The following ZNF654 variants were observed in gnomAD, a reference collection of about 807,000 sequenced individuals.
ZNF654 encodes the protein melanoma-associated antigen.
A neutral mutation model predicts 95.3 loss-of-function variants in ZNF654; 19 were observed. That is an observed-to-expected ratio of 0.20 (90% CI 0.14 to 0.29). The LOEUF (loss-of-function observed/expected upper bound fraction) is 0.29. Ranked by LOEUF, ZNF654 falls within the 10% of genes least tolerant of loss-of-function variation. The probability of loss-of-function intolerance (pLI) is 1.00; values close to 1 mark genes in which losing one functional copy is unlikely to be tolerated. For synonymous variants in ZNF654, 413 were observed against 457.9 expected (o/e 0.90, Z 1.25); for missense variants, 1,046 against 1,341.0 (o/e 0.78, Z 3.44).
chr3:88,061,696 C>A (rs1219419636), intron 1 of ZNF654, among the ~76,000 whole-genome samples: 2 of 152,028 alleles, frequency 1.3e-5, no homozygotes, highest in Non-Finnish European at 2.9e-5. Flanking sequence ...TTGCTTCATT[C>A]GTCAGTAAGG....
rs1299264844 is a variant in ZNF654, at chr3:88,104,248, ACTG to A, written c.333-8866_333-8864del. ...ATAGAGTGGAAAATGGTAAATAAAA[ACTG>A]AAGATAAATATCAAATTAAATTTTT... On this transcript the variant is annotated intron_variant, in intron 2 of 8. Transcript: ENST00000636215. Among the ~76,000 whole-genome samples, 3 of 152,322 alleles carry A rather than the reference ACTG, an allele frequency of 2.0e-5. No individual in the cohort carries two copies. In the East Asian group the frequency reaches 5.8e-4, roughly 29 times the overall value.
chr3:88,070,755 A>T (rs959618708), intron 1 of ZNF654, among the ~76,000 whole-genome samples: 2 of 152,094 alleles, frequency 1.3e-5, no homozygotes, highest in African/African-American at 4.8e-5. Flanking sequence ...ATTCTCGTTT[A>T]TCCTTTGCAA....
At chr3:88,110,354 A>C (rs891559022) in intron 2 of ZNF654, among the ~76,000 whole-genome samples, 1 of 152,070 alleles carries the variant, frequency 6.6e-6, no homozygotes, top group African/African-American at 2.4e-5. Flanking sequence ...TCACTGGTCA[A>C]CTCTACCACT....
intron 2 of ZNF654, among the ~76,000 whole-genome samples, chr3:88,094,578 G>A (rs1462376368): frequency 6.6e-6 from 1 of 152,092 alleles, no homozygotes; most frequent in African/African-American, 2.4e-5. Context: ...AAGCTTGATA[G>A]TTCTCTTGGT....
chr3:88,090,821 A>G (rs922806748), intron 2 of ZNF654, among the ~76,000 whole-genome samples: 6 of 152,182 alleles, frequency 3.9e-5, no homozygotes, highest in African/African-American at 1.2e-4. Context: ...GTCTTGGCCC[A>G]TACATAAAAT....
chr3:88,088,573 G>A (rs1708457738), intron 2 of ZNF654, among the ~76,000 whole-genome samples: 1 of 152,100 alleles, frequency 6.6e-6, no homozygotes, highest in Non-Finnish European at 1.5e-5. Context: ...TAAAGCTGAA[G>A]AAGAAATCCA....
At chr3:88,090,382 G>A (rs1285026254) in intron 2 of ZNF654, among the ~76,000 whole-genome samples, 1 of 151,896 alleles carries the variant, frequency 6.6e-6, no homozygotes, top group Non-Finnish European at 1.5e-5. Flanking sequence ...CAAGAAAAAT[G>A]TAAAATACAA....
chr3:88,104,835 T>A (rs2107732568), intron 2 of ZNF654, among the ~76,000 whole-genome samples: 1 of 152,304 alleles, frequency 6.6e-6, no homozygotes, highest in South Asian at 2.1e-4. Context: ...AATCTAAGCA[T>A]ATTAAAAATT....
At chr3:88,070,060 C>T (rs1425682562) in intron 1 of ZNF654, among the ~76,000 whole-genome samples, 1 of 152,182 alleles carries the variant, frequency 6.6e-6, no homozygotes, top group African/African-American at 2.4e-5. Flanking sequence ...ATTCCATGCT[C>T]ATGAGAGTAT....
chr3:88,070,305 G>A (rs1441060079), intron 1 of ZNF654, among the ~76,000 whole-genome samples: 1 of 151,930 alleles, frequency 6.6e-6, no homozygotes, highest in Non-Finnish European at 1.5e-5. Flanking sequence ...TAAAATAGGT[G>A]AATATCTTTT....
rs1273750066 is a variant in ZNF654 at position 88,143,177 on chromosome 3, A to G, written c.*1525A>G. The G allele has an allele frequency of 1.3e-5, 2 of 152,280 alleles. No individual in the cohort carries two copies. Among genetic ancestry groups the G allele is most frequent in the Admixed American group, 6.6e-5 (1 of 15,228 alleles). The allele number at this position is 152,280 out of a possible 1,614,324, so 9.4% of individuals were successfully genotyped here. A position where few individuals can be genotyped will look rare whatever the true frequency, so the allele number is the denominator to read the frequency against. Reference sequence around the variant, plus strand: ...AAGTGGGGAATTTCTTCCAGGTAGCATCCATATTTTATTAAATTAGGATTT... The same window carrying G: ...AAGTGGGGAATTTCTTCCAGGTAGCGTCCATATTTTATTAAATTAGGATTT... On this transcript the variant is annotated 3_prime_UTR_variant, in exon 9 of 9. Transcript: ENST00000636215.
intron 3 of ZNF654, among the ~76,000 whole-genome samples, chr3:88,119,415 A>T (rs1458010641): frequency 1.3e-5 from 1 of 76,098 alleles, no homozygotes. Flanking sequence ...GGGGGGAGGG[A>T]TAGCATTGGG....
intron 2 of ZNF654, among the ~76,000 whole-genome samples, chr3:88,086,870 C>T (rs1246736807): frequency 6.6e-6 from 1 of 152,122 alleles, no homozygotes. Flanking sequence ...GCAAGCTCCC[C>T]CTCCCGGGTT....
At chr3:88,087,187 T>A (rs1244024127) in intron 2 of ZNF654, among the ~76,000 whole-genome samples, 1 of 152,154 alleles carries the variant, frequency 6.6e-6, no homozygotes, top group African/African-American at 2.4e-5. Context: ...CAAGTGATTC[T>A]CATGCCTCAG....
intron 3 of ZNF654, among the ~76,000 whole-genome samples, chr3:88,115,065 C>G (rs1705309750): frequency 6.6e-6 from 1 of 152,176 alleles, no homozygotes; most frequent in Admixed American, 6.5e-5. Flanking sequence ...TTCTCGTCTC[C>G]CATAAGTAGG....
intron 2 of ZNF654, chr3:88,095,357 A>G (rs1304078454): frequency 1.1e-5 from 3 of 277,532 alleles, no homozygotes; most frequent in South Asian, 3.5e-5. Context: ...AGGAAGAGAC[A>G]GGAATGTGAA....
intron 3 of ZNF654, among the ~76,000 whole-genome samples, chr3:88,113,560 A>G (rs543996672): frequency 6.6e-6 from 1 of 152,232 alleles, no homozygotes; most frequent in East Asian, 1.9e-4. Flanking sequence ...TTTCTCTCTC[A>G]TAATAGCTTT....
intron 1 of ZNF654, among the ~76,000 whole-genome samples, chr3:88,075,186 T>A (rs1383174060): frequency 6.6e-6 from 1 of 152,242 alleles, no homozygotes; most frequent in Non-Finnish European, 1.5e-5. Flanking sequence ...TGTGCTGAAC[T>A]AAGTGTGGAA....
rs1424040280 is a variant in ZNF654 at position 88,139,586 on chromosome 3, A to G, written c.1917A>G (p.Glu639=). Residue 639 remains glutamate, a synonymous_variant, in exon 8 of 9, where the codon GAA becomes GAG. Coordinates refer to ENST00000636215, the MANE Select transcript of ZNF654 (RefSeq NM_001350134.2). ...GGAATTCTGATAGTAAGGATTTGGA[A>G]GTGGAGACACTTACTGCTTCTAGTG... ...ENGNSDSKDL[E]VETLTASSEG... 1 of 1,613,772 alleles carries G rather than the reference A, an allele frequency of 6.2e-7. No individual in the cohort carries two copies. The highest frequency in any genetic ancestry group is 1.7e-5 in the Admixed American group (1 of 59,968).
Sources: allele counts gnomAD v4.1 joint callset (sites outside exome capture counted in the v4.1 genomes callset), GRCh38; gene constraint gnomAD v4.1.1; transcripts MANE v1.5; gene names NCBI Gene and HGNC (gene_info 2026-07-23, HGNC 2026-07-21).